PIAS2: variants seen among roughly 807,000 people sequenced by gnomAD.
The protein encoded by PIAS2 is E3 SUMO-protein ligase PIAS2.
In PIAS2, 19 loss-of-function variants were observed where a neutral mutation model predicts 69.7. The ratio of observed to expected loss-of-function variants is 0.27; its 90% CI spans 0.19 to 0.40. PIAS2 has a LOEUF of 0.40. PIAS2 is among the 10% of genes least tolerant of loss of function. The pLI is 1.00. For synonymous variants in PIAS2, 261 were observed against 263.2 expected, an observed-to-expected ratio of 0.99 and a Z score of 0.08; for missense variants, 624 against 757.0, an observed-to-expected ratio of 0.82 and a Z score of 2.06.
Position 46,804,448 on chromosome 18 carries a change from T to C in PIAS2, c.*7985A>G, listed in dbSNP as rs113615298. 2 of 152,178 alleles carry C rather than the reference T, an allele frequency of 1.3e-5. No homozygotes were observed. The highest frequency in any genetic ancestry group is 2.9e-5 in the Non-Finnish European group (2 of 68,044). The allele number at this position is 152,178 out of a possible 1,614,324, so 9.4% of individuals were successfully genotyped here. ...ATCCTGTCAGAATCTGTTTCCACAT[T>C]TGTAATATGGAGATAATCATGCCAA... On this transcript the variant is annotated 3_prime_UTR_variant, in exon 14 of 14. Coordinates refer to ENST00000585916, the MANE Select transcript of PIAS2 (RefSeq NM_004671.5).
chr18:46,841,028 T>G (rs770983891), intron 8 of PIAS2, among the ~76,000 whole-genome samples: 23 of 152,132 alleles, frequency 1.5e-4, no homozygotes, highest in African/African-American at 2.9e-4. Context: ...AACCTAGCTT[T>G]CTTTCTTTCT....
intron 8 of PIAS2, among the ~76,000 whole-genome samples, chr18:46,840,160 C>CAAAAAGAAAG: frequency 6.7e-6 from 1 of 150,224 alleles, no homozygotes; most frequent in East Asian, 1.9e-4. Flanking sequence ...GACTCTATCT[C>CAAAAAGAAAG]AAAAAGAAAG....
intron 2 of PIAS2, among the ~76,000 whole-genome samples, chr18:46,870,982 G>A (rs2050274201): frequency 6.6e-6 from 1 of 152,144 alleles, no homozygotes; most frequent in South Asian, 2.1e-4. Flanking sequence ...TATTTCCTGA[G>A]CATTCCATAT....
chr18:46,847,127 T>A (rs2046267679), intron 5 of PIAS2, among the ~76,000 whole-genome samples: 1 of 152,216 alleles, frequency 6.6e-6, no homozygotes, highest in African/African-American at 2.4e-5. Flanking sequence ...ATGGTTTTCC[T>A]TTTTCATAGG....
At chr18:46,916,020 C>T (rs1338323443) in intron 1 of PIAS2, among the ~76,000 whole-genome samples, 1 of 152,130 alleles carries the variant, frequency 6.6e-6, no homozygotes, top group Admixed American at 6.5e-5. Flanking sequence ...TTAAACTTAT[C>T]AAGTATGAAC....
chr18:46,890,699 T>G lies in PIAS2; in HGVS notation c.380A>C (p.Lys127Thr). ...PVGSVLLQDT[K>T]PTFEMQQPSP... ...TGGCTGCTGCATCTCAAATGTGGGC[T>G]TAGTATCTTGAAGCAGCACAGAACC... Residue 127 changes from lysine (K) to threonine (T), a missense_variant, in exon 2 of 14, where the codon AAG becomes ACG. Lys to Thr is a moderately conservative substitution (Grantham distance 78, BLOSUM62 -1). This residue lies in a region of PIAS2 where 339 missense variants were observed against 408.8 expected (regional missense o/e 0.83). Transcript: ENST00000585916. 1 of 1,614,052 alleles carries G rather than the reference T, an allele frequency of 6.2e-7. No individual in the cohort carries two copies. Among genetic ancestry groups the G allele is most frequent in the Non-Finnish European group, 8.5e-7 (1 of 1,179,966 alleles).
In PIAS2 at chr18:46,866,222, C is replaced by A. The variant is rs183591386; in HGVS notation, c.500-1974G>T. Among the ~76,000 whole-genome samples, 166 of 152,232 alleles carry A rather than the reference C, an allele frequency of 1.1e-3. 2 individuals carry two copies. The highest frequency in any genetic ancestry group is 8.8e-5 in the Non-Finnish European group (6 of 68,014). On this transcript the variant is annotated intron_variant, in intron 2 of 13. Coordinates refer to ENST00000585916, the MANE Select transcript of PIAS2 (RefSeq NM_004671.5). ...GGGAAAAAAGGATTTACAAATCAAACTCCATGTAAAATAATACAAAGAAAA... is the reference window on the plus strand; with the variant it reads ...GGGAAAAAAGGATTTACAAATCAAAATCCATGTAAAATAATACAAAGAAAA...
At chr18:46,830,392 A>G (rs1477360109) in intron 9 of PIAS2, among the ~76,000 whole-genome samples, 2 of 152,112 alleles carry the variant, frequency 1.3e-5, no homozygotes, top group Admixed American at 6.5e-5. Flanking sequence ...AAACTAAACA[A>G]AAGAAACATG....
chr18:46,845,999 A>G (rs2046116289), intron 6 of PIAS2, among the ~76,000 whole-genome samples: 1 of 152,204 alleles, frequency 6.6e-6, no homozygotes, highest in South Asian at 2.1e-4. Context: ...GGAACATGTA[A>G]TAAGAACACT....
chr18:46,916,397 T>C (rs2057898144), intron 1 of PIAS2, among the ~76,000 whole-genome samples: 1 of 139,142 alleles, frequency 7.2e-6, no homozygotes, highest in African/African-American at 2.9e-5. Flanking sequence ...TCTACCTTGA[T>C]ACATTTAAAA....
At chr18:46,826,834 A>G (rs1033194628) in intron 11 of PIAS2, 4 of 152,320 alleles carry the variant, frequency 2.6e-5, no homozygotes, top group African/African-American at 9.6e-5. Flanking sequence ...AACAGCAAAG[A>G]AGGCAGCTGA....
intron 1 of PIAS2, among the ~76,000 whole-genome samples, chr18:46,909,390 G>C (rs567833580): frequency 6.6e-6 from 1 of 152,248 alleles, no homozygotes; most frequent in African/African-American, 2.4e-5. Context: ...GGGACTACAG[G>C]TGTGGGCCAC....
intron 11 of PIAS2, among the ~76,000 whole-genome samples, chr18:46,822,449 T>C (rs2042278960): frequency 6.6e-6 from 1 of 152,158 alleles, no homozygotes; most frequent in Non-Finnish European, 1.5e-5. Context: ...GGAAGTTATC[T>C]TCCAAAAATC....
intron 8 of PIAS2, among the ~76,000 whole-genome samples, chr18:46,839,947 G>A (rs1406737975): frequency 5.9e-5 from 9 of 151,326 alleles, no homozygotes; most frequent in African/African-American, 1.5e-4. Context: ...GGAATCACGA[G>A]GTCAAAAGCT....
intron 2 of PIAS2, among the ~76,000 whole-genome samples, chr18:46,876,934 T>G (rs951621383): frequency 6.6e-6 from 1 of 152,110 alleles, no homozygotes; most frequent in Admixed American, 6.6e-5. Flanking sequence ...TCTCCTGACC[T>G]CATGATCCAC....
chr18:46,904,579 C>G (rs1219102447), intron 1 of PIAS2, among the ~76,000 whole-genome samples: 1 of 151,974 alleles, frequency 6.6e-6, no homozygotes, highest in Non-Finnish European at 1.5e-5. Context: ...GGTGAAACAC[C>G]ATCTCTACTA....
rs1310845321 is a variant in PIAS2, at chr18:46,807,379, ATATATTTTTTTTTT to A, written c.*5040_*5053del. The A allele has an allele frequency of 3.9e-5, 1 of 25,598 alleles. No individual in the cohort carries two copies. Among genetic ancestry groups the A allele is most frequent in the Non-Finnish European group, 6.7e-5 (1 of 14,978 alleles). 1.6% of individuals were successfully genotyped at this position (25,598 alleles called of 1,614,324 possible). A position where few individuals can be genotyped will look rare whatever the true frequency, so the allele number is the denominator to read the frequency against. ...TTTATATATATATATATATATATAT[ATATATTTTTTTTTT>A]TTTTTTTTTTTTTTTTTAGAGAGTC... On this transcript the variant is annotated 3_prime_UTR_variant, in exon 14 of 14. Transcript: ENST00000585916.
intron 1 of PIAS2, among the ~76,000 whole-genome samples, chr18:46,913,191 C>T (rs1271387992): frequency 6.6e-6 from 1 of 152,128 alleles, no homozygotes; most frequent in African/African-American, 2.4e-5. Flanking sequence ...TCAAATCCCC[C>T]ATTAACTTCC....
At chr18:46,860,413 G>A (rs1438831700) in intron 3 of PIAS2, among the ~76,000 whole-genome samples, 1 of 152,160 alleles carries the variant, frequency 6.6e-6, no homozygotes, top group Non-Finnish European at 1.5e-5. Context: ...AGCCTAATGA[G>A]AGAAACCAGG....
Sources: allele counts gnomAD v4.1 joint callset (sites outside exome capture counted in the v4.1 genomes callset), GRCh38; gene constraint gnomAD v4.1.1; regional missense constraint gnomAD v4.1.1; transcripts MANE v1.5; gene names NCBI Gene and HGNC (gene_info 2026-07-23, HGNC 2026-07-21).